Variants in EP400 observed in about 807,000 individuals in gnomAD.
The protein encoded by EP400 is E1A binding protein p400, also known as E1A-binding protein p400.
In EP400, 105 loss-of-function variants were observed where a neutral mutation model predicts 354.1. The observed-to-expected ratio is 0.30, with a 90% confidence interval of 0.25 to 0.35. The LOEUF (loss-of-function observed/expected upper bound fraction) is 0.35. Ranked by LOEUF, EP400 falls within the 10% of genes least tolerant of loss-of-function variation. EP400 has a pLI of 1.00. For synonymous variants in EP400, 1,646 were observed against 1,716.9 expected, an observed-to-expected ratio of 0.96 and a Z score of 1.02; for missense variants, 3,280 against 4,121.0, an observed-to-expected ratio of 0.80 and a Z score of 5.59.
At chr12:131,971,223 C>T (rs944557990) in intron 2 of EP400, among the ~76,000 whole-genome samples, 2 of 152,180 alleles carry the variant, frequency 1.3e-5, no homozygotes, top group Non-Finnish European at 2.9e-5. Flanking sequence ...AAAGATTCCA[C>T]GTGTAAGTGA....
At position 132,045,550 on chromosome 12, in the gene EP400, C is replaced by T. The variant is rs1322226889; in HGVS notation, c.7016C>T (p.Ala2339Val). 3.1e-6 allele frequency: 5 copies of T among 1,614,010 alleles called. No individual in the cohort carries two copies. Among genetic ancestry groups the T allele is most frequent in the Admixed American group, 1.7e-5 (1 of 60,020 alleles). ...GAGTGGCTCATCAGTGAGGACTGGG[C>T]GCTGCTGCAGGTAGGTGGGCGTGGT... ...NPEWLISEDW[A>V]LLQAVKQLLE... is the part of the protein sequence containing the mutation. The change falls in exon 38 of 53, where the codon GCG becomes GTG. Residue 2339 changes from alanine to valine, a missense_variant. Physicochemically the swap from Ala to Val is moderately conservative, Grantham distance 64. This residue lies in a region of EP400 where 84 missense variants were observed against 133.0 expected (regional missense o/e 0.63). Transcript: ENST00000389561.
intron 2 of EP400, among the ~76,000 whole-genome samples, chr12:131,972,830 C>T (rs55904313): frequency 0.13 from 18,864 of 148,648 alleles, 1,615 homozygotes; most frequent in African/African-American, 0.25. Context: ...CTCCCAGGCT[C>T]AAACGATTCT....
chr12:131,973,415 G>A (rs1214847592), intron 2 of EP400, among the ~76,000 whole-genome samples: 1 of 152,140 alleles, frequency 6.6e-6, no homozygotes, highest in Non-Finnish European at 1.5e-5. Context: ...GCTACGGTGG[G>A]CAGATCACTT....
In EP400 at chr12:131,984,866, GT is replaced by G. The variant is rs766322694; in HGVS notation, c.1930-1636del. On this transcript the variant is annotated intron_variant, in intron 5 of 52. Coordinates refer to ENST00000389561, the MANE Select transcript of EP400 (RefSeq NM_015409.5). ...GGCATGCGCCACCACGCCCTACTAG[GT>G]TTTTTTTTTTTCCAGCAGAGAAATG... 4.9e-4 allele frequency among the ~76,000 whole-genome samples: 71 copies of G among 145,040 alleles called. 1 individual carries two copies. Among genetic ancestry groups the G allele is most frequent in the South Asian group, 2.9e-3 (13 of 4,532 alleles).
At chr12:132,009,959 C>T (rs963149339) in intron 15 of EP400, among the ~76,000 whole-genome samples, 4 of 148,762 alleles carry the variant, frequency 2.7e-5, no homozygotes, top group South Asian at 2.1e-4. Flanking sequence ...AGAGAGATTA[C>T]AGCTGTGAGC....
chr12:132,078,381 C>G lies in EP400; in HGVS notation c.*708C>G, dbSNP rs908325545. On this transcript the variant is annotated 3_prime_UTR_variant, in exon 53 of 53. Transcript: ENST00000389561. Reference sequence around the variant, plus strand: ...CAACAGTGGCCTCCCCCAGGCCCTACCCTGCAATGGGATTCGCTTTCATTT... The same window carrying G: ...CAACAGTGGCCTCCCCCAGGCCCTAGCCTGCAATGGGATTCGCTTTCATTT... 2 of 152,340 alleles carry G rather than the reference C, an allele frequency of 1.3e-5. No individual in the cohort carries two copies. Among genetic ancestry groups the G allele is most frequent in the South Asian group, 4.1e-4 (2 of 4,838 alleles). 9.4% of individuals were successfully genotyped at this position (152,340 alleles called of 1,614,324 possible). A position where few individuals can be genotyped will look rare whatever the true frequency, so the allele number is the denominator to read the frequency against.
rs180699974 is a variant in EP400, at chr12:132,049,648, G to A, written c.7201-675G>A. ...GGAAGAGCCCTGGGTGAGGAAGGAG[G>A]TGCTTGAGCCCTGGTCTTGACTTGT... On this transcript the variant is annotated intron_variant, in intron 39 of 52. Transcript: ENST00000389561. 2.0e-5 allele frequency among the ~76,000 whole-genome samples: 3 copies of A among 152,308 alleles called. No individual in the cohort carries two copies. In the East Asian group the frequency reaches 5.8e-4, roughly 29 times the overall value.
Position 132,064,710 on chromosome 12 carries a change from C to G in EP400, c.8377C>G (p.Pro2793Ala). 6.2e-7 allele frequency: 1 copy of G among 1,613,634 alleles called. No homozygotes were observed. Among genetic ancestry groups the G allele is most frequent in the Non-Finnish European group, 8.5e-7 (1 of 1,179,732 alleles). The change falls in exon 48 of 53, where the codon CCG becomes GCG. Residue 2793 changes from proline (P) to alanine (A), a missense_variant. By Grantham distance (27) the Pro-to-Ala change is conservative (BLOSUM62 -1). This residue lies in a region of EP400 where 86 missense variants were observed against 66.4 expected (regional missense o/e 1.29). Transcript: ENST00000389561. ...GCAGAAGCAGAAACTGCAGATGCCCCCGCAGCCCCCACCGCCACAGGCCCA... is the reference window on the plus strand; with the variant it reads ...GCAGAAGCAGAAACTGCAGATGCCCGCGCAGCCCCCACCGCCACAGGCCCA... Reference protein sequence around the residue: ...KMQKQKLQMPPQPPPPQAQSA... With the variant: ...KMQKQKLQMPAQPPPPQAQSA...
intron 2 of EP400, among the ~76,000 whole-genome samples, chr12:131,976,758 C>T (rs1243321146): frequency 6.6e-6 from 1 of 152,158 alleles, no homozygotes; most frequent in East Asian, 1.9e-4. Context: ...AACCTGCATA[C>T]TCTTTCTCCT....
At chr12:131,977,322 T>C (rs1892518096) in intron 2 of EP400, among the ~76,000 whole-genome samples, 1 of 151,114 alleles carries the variant, frequency 6.6e-6, no homozygotes. Flanking sequence ...TTTTTTTGTA[T>C]TTTTAGTAGA....
intron 10 of EP400, 38 bp downstream of exon 10, chr12:131,991,494 G>C: frequency 6.2e-7 from 1 of 1,602,416 alleles, no homozygotes; most frequent in Non-Finnish European, 8.5e-7. Flanking sequence ...GTGAGAAGGA[G>C]TAGAAGCAGC....
Position 131,982,227 on chromosome 12 carries a change from A to G in EP400, c.1678A>G (p.Arg560Gly), listed in dbSNP as rs777113954. Residue 560 changes from arginine (R) to glycine (G), a missense_variant, in exon 5 of 53, where the codon AGG becomes GGG. Physicochemically the swap from Arg to Gly is moderately radical, Grantham distance 125. This residue lies in a region of EP400 where 800 missense variants were observed against 840.0 expected (regional missense o/e 0.95). Transcript: ENST00000389561. Reference sequence around the variant, plus strand: ...CACCCCACTGCCGCAGCTGCCCGGGAGGCTGCCCCCAGCCGGTGTTCCCAC... The same window carrying G: ...CACCCCACTGCCGCAGCTGCCCGGGGGGCTGCCCCCAGCCGGTGTTCCCAC... ...LHTPLPQLPG[R>G]LPPAGVPTAA... 3.1e-6 allele frequency: 5 copies of G among 1,613,844 alleles called. No individual in the cohort carries two copies. The highest frequency in any genetic ancestry group is 4.2e-6 in the Non-Finnish European group (5 of 1,179,958).
At chr12:132,007,899 T>C (rs1267480705) in intron 15 of EP400, among the ~76,000 whole-genome samples, 1 of 151,576 alleles carries the variant, frequency 6.6e-6, no homozygotes, top group Non-Finnish European at 1.5e-5. Context: ...TCAGTCCAAG[T>C]AGCTTAAGGA....
chr12:131,983,200 T>C (rs1892740758), intron 5 of EP400, among the ~76,000 whole-genome samples: 1 of 152,186 alleles, frequency 6.6e-6, no homozygotes, highest in Non-Finnish European at 1.5e-5. Context: ...GATGAAGTGA[T>C]GAGCGGGGCT....
Position 132,055,121 on chromosome 12 carries a change from C to G in EP400, c.7797C>G (p.Ile2599Met). Residue 2599 changes from isoleucine (I) to methionine (M), a missense_variant, in exon 45 of 53, where the codon ATC (isoleucine) becomes ATG (methionine). Physicochemically the swap from Ile to Met is conservative, Grantham distance 10. This residue lies in a region of EP400 where 255 missense variants were observed against 295.9 expected (regional missense o/e 0.86). Coordinates refer to ENST00000389561, the MANE Select transcript of EP400 (RefSeq NM_015409.5). ...CAGGTGCCGTGAGTGGAAATGTGATCGTGAACACCATCGCAGGGGTCCCAG... is the reference window on the plus strand; with the variant it reads ...CAGGTGCCGTGAGTGGAAATGTGATGGTGAACACCATCGCAGGGGTCCCAG... ...MPTGAVSGNV[I>M]VNTIAGVPAA... 6.2e-7 allele frequency: 1 copy of G among 1,613,278 alleles called. No homozygotes were observed. Among genetic ancestry groups the G allele is most frequent in the Non-Finnish European group, 8.5e-7 (1 of 1,179,596 alleles).
intron 30 of EP400, among the ~76,000 whole-genome samples, chr12:132,035,014 CAAGTA>C (rs1185102683): frequency 6.6e-6 from 1 of 152,048 alleles, no homozygotes; most frequent in East Asian, 1.9e-4. Flanking sequence ...ATTCTCAGTG[CAAGTA>C]AAGAGTTAAA....
chr12:131,961,481 C>T lies in EP400; in HGVS notation c.862C>T (p.Leu288=), dbSNP rs948192443. The part of the protein sequence containing the change: ...QQQQVLQGPP[L]PRPLGFERTP... Reference sequence around the variant, plus strand: ...GCAGCAGGTGCTGCAGGGGCCGCCGCTGCCCCGGCCCCTGGGCTTCGAGAG... The same window carrying T: ...GCAGCAGGTGCTGCAGGGGCCGCCGTTGCCCCGGCCCCTGGGCTTCGAGAG... Residue 288 remains leucine, a synonymous_variant, in exon 2 of 53, where the codon CTG becomes TTG. Transcript: ENST00000389561. The T allele has an allele frequency of 7.7e-6, 12 of 1,563,516 alleles. No homozygotes were observed. The highest frequency in any genetic ancestry group is 9.5e-6 in the Non-Finnish European group (11 of 1,153,616).
chr12:132,040,010 A>G (rs1894843430), intron 32 of EP400, among the ~76,000 whole-genome samples: 1 of 152,262 alleles, frequency 6.6e-6, no homozygotes, highest in African/African-American at 2.4e-5. Context: ...ACTGCACTCC[A>G]ACCTGGGTGA....
At chr12:131,997,242 T>A (rs1429798584) in intron 12 of EP400, among the ~76,000 whole-genome samples, 2 of 152,058 alleles carry the variant, frequency 1.3e-5, no homozygotes, top group African/African-American at 4.8e-5. Context: ...AAACAGTCGA[T>A]GAACACATAT....
Sources: gnomAD v4.1 joint callset for allele counts (sites outside exome capture counted in the v4.1 genomes callset) on GRCh38, gnomAD v4.1.1 for gene constraint, gnomAD v4.1.1 regional missense constraint, MANE v1.5 for transcripts, NCBI Gene and HGNC (gene_info 2026-07-23, HGNC 2026-07-21) for gene names.